MMP14: variants seen among roughly 807,000 people sequenced by gnomAD.
The protein encoded by MMP14 is matrix metalloproteinase-14.
MMP14 carries 13 observed loss-of-function variants against 64.8 expected under a neutral mutation model. The observed-to-expected ratio is 0.20, with a 90% CI of 0.13 to 0.32. The LOEUF (loss-of-function observed/expected upper bound fraction) is 0.32. MMP14 is among the 10% of genes least tolerant of loss of function. The pLI, the probability that MMP14 is intolerant of heterozygous loss-of-function variation, is 1.00. For missense variants in MMP14, 594 were observed against 783.8 expected (o/e 0.76, Z 2.89); for synonymous variants, 322 against 315.9 (o/e 1.02, Z -0.20).
Position 22,843,748 on chromosome 14 carries a change from C to T in MMP14, c.889C>T (p.Pro297Ser), listed in dbSNP as rs1240321412. 3 of 1,610,876 alleles carry T rather than the reference C, an allele frequency of 1.9e-6. No individual in the cohort carries two copies. The highest frequency in any genetic ancestry group is 2.5e-6 in the Non-Finnish European group (3 of 1,179,236). Residue 297 changes from proline to serine, a missense_variant, in exon 6 of 10, where the codon CCC becomes TCC. Pro to Ser is a moderately conservative substitution (Grantham distance 74). This residue lies in a region of MMP14 where 364 missense variants were observed against 425.2 expected (regional missense o/e 0.86). Transcript: ENST00000311852. The surrounding 1 kb of genome is among the most constrained non-coding windows in gnomAD (Gnocchi z 4.8). ...GTTCCCCACCAAGATGCCCCCTCAACCCAGGACTACCTCCCGGCCTTCTGT... is the reference window on the plus strand; with the variant it reads ...GTTCCCCACCAAGATGCCCCCTCAATCCAGGACTACCTCCCGGCCTTCTGT... The part of the protein sequence containing the change: ...SGFPTKMPPQ[P>S]RTTSRPSVPD...
rs945158281 is a variant in MMP14, at chr14:22,842,964, T to C, written c.688+247T>C. 6.6e-6 allele frequency among the ~76,000 whole-genome samples: 1 copy of C among 152,176 alleles called. No homozygotes were observed. The highest frequency in any genetic ancestry group is 1.5e-5 in the Non-Finnish European group (1 of 68,026). Reference sequence around the variant, plus strand: ...TGCCCACTTTTCCAGACCGATGTCATGTCTCGCTCCCGGGAGAAACTGGGG... The same window carrying C: ...TGCCCACTTTTCCAGACCGATGTCACGTCTCGCTCCCGGGAGAAACTGGGG... On this transcript the variant is annotated intron_variant, in intron 4 of 9. Coordinates refer to ENST00000311852, the MANE Select transcript of MMP14 (RefSeq NM_004995.4). The surrounding 1 kb of genome is among the most constrained non-coding windows in gnomAD (Gnocchi z 5.3).
rs751743554 is a variant in MMP14, at chr14:22,837,309, G to C, written c.108+384G>C. The stretch of plus-strand genomic sequence containing the variant: ...AAACCCCGCGCTGTCCCGGCTCCTC[G>C]TCATGCGCGAGAGTTTGTTGTTTCT... On this transcript the variant is annotated intron_variant, in intron 1 of 9. Coordinates refer to ENST00000311852, the MANE Select transcript of MMP14 (RefSeq NM_004995.4). The C allele has an allele frequency of 6.4e-5, 30 of 471,386 alleles. No homozygotes were observed. In the East Asian group the frequency reaches 1.2e-3, roughly 19 times the overall value. The allele number at this position is 471,386 out of a possible 1,614,324, so 29.2% of individuals were successfully genotyped here. A position where few individuals can be genotyped will look rare whatever the true frequency, so the allele number is the denominator to read the frequency against.
intron 1 of MMP14, among the ~76,000 whole-genome samples, chr14:22,837,650 G>A (rs2039744562): frequency 6.6e-6 from 1 of 152,262 alleles, no homozygotes; most frequent in Admixed American, 6.5e-5. Context: ...GCGCCTTCAG[G>A]CCCTTTTTGT....
At chr14:22,837,088 C>T (rs1047575284) in intron 1 of MMP14, 163 bp downstream of exon 1, 5 of 708,458 alleles carry the variant, frequency 7.1e-6, no homozygotes, top group Non-Finnish European at 1.3e-5. Flanking sequence ...CGTCTCCAAA[C>T]TTCCAGATCG....
chr14:22,844,013 T>G, intron 6 of MMP14, 143 bp downstream of exon 6: 1 of 1,075,192 alleles, frequency 9.3e-7, no homozygotes, highest in African/African-American at 1.6e-5. Context: ...CTGGCCAACA[T>G]AGTGAAACCC....
chr14:22,840,128 A>C (rs2039763090), intron 1 of MMP14, among the ~76,000 whole-genome samples: 1 of 151,950 alleles, frequency 6.6e-6, no homozygotes, highest in Non-Finnish European at 1.5e-5. Context: ...CACCACGTGC[A>C]GCTAATTTTT....
chr14:22,837,695 C>T (rs2039744909), intron 1 of MMP14, among the ~76,000 whole-genome samples: 1 of 152,238 alleles, frequency 6.6e-6, no homozygotes, highest in South Asian at 2.1e-4. Context: ...TGCAGGGAGC[C>T]TGGGGGCGTC....
chr14:22,840,114 C>A (rs1274138205), intron 1 of MMP14, among the ~76,000 whole-genome samples: 1 of 151,856 alleles, frequency 6.6e-6, no homozygotes, highest in East Asian at 1.9e-4. Flanking sequence ...TTACAGGTGC[C>A]CACCACCACG....
Position 22,842,106 on chromosome 14 carries a change from A to G in MMP14, c.380+71A>G. The G allele has an allele frequency of 6.3e-7, 1 of 1,580,630 alleles. No homozygotes were observed. Among genetic ancestry groups the G allele is most frequent in the Non-Finnish European group, 8.7e-7 (1 of 1,154,416 alleles). On this transcript the variant is annotated intron_variant, in intron 3 of 9. Transcript: ENST00000311852. The surrounding 1 kb of genome is among the most constrained non-coding windows in gnomAD (Gnocchi z 5.3). ...TCCTACCCATTGTGCTTATGCAGGG[A>G]CTCAGAGACCCCCTGCCCCACTCCC...
rs144508294 is a variant in MMP14, at chr14:22,842,078, A to G, written c.380+43A>G. ...GCAACCTTTCTCACATCTGGTTATTATTTCCTACCCATTGTGCTTATGCAG... is the reference window on the plus strand; with the variant it reads ...GCAACCTTTCTCACATCTGGTTATTGTTTCCTACCCATTGTGCTTATGCAG... On this transcript the variant is annotated intron_variant, in intron 3 of 9. Transcript: ENST00000311852. This position sits in a 1 kb window ranked among gnomAD's most constrained non-coding sequence, Gnocchi z 5.3. 1.6e-4 allele frequency: 265 copies of G among 1,612,852 alleles called. 1 individual carries two copies. In the East Asian group the frequency reaches 5.7e-3, roughly 35 times the overall value.
rs745755221 is a variant in MMP14, at chr14:22,843,424, T to C, written c.850+6T>C. 4 of 1,611,472 alleles carry C rather than the reference T, an allele frequency of 2.5e-6. No individual in the cohort carries two copies. Among genetic ancestry groups the C allele is most frequent in the Non-Finnish European group, 3.4e-6 (4 of 1,178,782 alleles). The stretch of plus-strand genomic sequence containing the variant: ...GGGCATCCAGCAACTTTATGGCGAG[T>C]AGTCTACACCCACGCCTGCTCCCTC... On this transcript the variant is annotated splice_donor_region_variant and intron_variant, in intron 5 of 9. Coordinates refer to ENST00000311852, the MANE Select transcript of MMP14 (RefSeq NM_004995.4). The surrounding 1 kb of genome is among the most constrained non-coding windows in gnomAD (Gnocchi z 4.8).
At chr14:22,840,497 T>C (rs2138737904) in intron 1 of MMP14, among the ~76,000 whole-genome samples, 1 of 152,138 alleles carries the variant, frequency 6.6e-6, no homozygotes, top group South Asian at 2.1e-4. Flanking sequence ...ATGTCCCACT[T>C]CCTCTGTTGA....
At chr14:22,844,932 C>T in intron 8 of MMP14, 152 bp downstream of exon 8, 1 of 1,107,470 alleles carries the variant, frequency 9.0e-7, no homozygotes, top group South Asian at 1.5e-5. Flanking sequence ...AAATGGGCAG[C>T]CTCCTTTGGG....
chr14:22,837,553 C>A lies in MMP14; in HGVS notation c.108+628C>A, dbSNP rs1404320698. 22 of 360,320 alleles carry A rather than the reference C, an allele frequency of 6.1e-5. No individual in the cohort carries two copies. In the Admixed American group the frequency reaches 8.1e-4, roughly 13 times the overall value. The allele number at this position is 360,320 out of a possible 1,614,324, so 22.3% of individuals were successfully genotyped here. A position where few individuals can be genotyped will look rare whatever the true frequency, so the allele number is the denominator to read the frequency against. On this transcript the variant is annotated intron_variant, in intron 1 of 9. Coordinates refer to ENST00000311852, the MANE Select transcript of MMP14 (RefSeq NM_004995.4). ...CGTCGAGGGTCGCAGCGCCGGCGCG[C>A]TGGCCGCGTTTCCGTACACACAAAG...
rs950588038 is a variant in MMP14, at chr14:22,836,898, G to C, written c.81G>C (p.Ser27=). The C allele has an allele frequency of 6.2e-7, 1 of 1,613,548 alleles. No individual in the cohort carries two copies. Among genetic ancestry groups the C allele is most frequent in the Non-Finnish European group, 8.5e-7 (1 of 1,179,758 alleles). Residue 27 remains serine, a synonymous_variant, in exon 1 of 10, where the codon TCG becomes TCC. Transcript: ENST00000311852. ...GCACCGCGCTCGCCTCCCTCGGCTC[G>C]GCCCAAAGCAGCAGCTTCAGCCCCG... is the stretch of plus-strand genomic sequence containing the variant. ...TLGTALASLG[S]AQSSSFSPEA... is the part of the protein sequence containing the mutation.
chr14:22,841,417 G>A, intron 1 of MMP14, 74 bp from the exon 2 acceptor site: 1 of 1,570,536 alleles, frequency 6.4e-7, no homozygotes, highest in Non-Finnish European at 8.6e-7. Flanking sequence ...GCTGTATGCT[G>A]GGCATTGTCG....
intron 2 of MMP14, 67 bp from the exon 3 acceptor site, chr14:22,841,846 G>T: frequency 6.2e-7 from 1 of 1,604,872 alleles, no homozygotes; most frequent in South Asian, 1.1e-5. Flanking sequence ...ACCCAACACT[G>T]ATCGTGGAGA....
chr14:22,837,350 T>C (rs1039412187), intron 1 of MMP14: 4 of 457,178 alleles, frequency 8.7e-6, no homozygotes, highest in South Asian at 6.2e-5. Flanking sequence ...TTCCCAGCTC[T>C]CCAGCGCTCT....
Position 22,844,376 on chromosome 14 carries a change from C to T in MMP14, c.1017C>T (p.Arg339=), listed in dbSNP as rs144898101. 21 of 1,614,040 alleles carry T rather than the reference C, an allele frequency of 1.3e-5. No individual in the cohort carries two copies. In the African/African-American group the frequency reaches 2.4e-4, roughly 18 times the overall value. Residue 339 remains arginine, a synonymous_variant, in exon 7 of 10, where the codon CGC becomes CGT. Coordinates refer to ENST00000311852, the MANE Select transcript of MMP14 (RefSeq NM_004995.4). ...CTGCATTGACCGGCTTCCAGGAGCG[C>T]TGGTTCTGGCGGGTGAGGAATAACC... The part of the protein sequence containing the change: ...LRGEMFVFKE[R]WFWRVRNNQV...
Sources: allele counts gnomAD v4.1 joint callset (sites outside exome capture counted in the v4.1 genomes callset), GRCh38; gene constraint gnomAD v4.1.1; regional missense constraint gnomAD v4.1.1; non-coding constraint Gnocchi (gnomAD v3.1); transcripts MANE v1.5; gene names NCBI Gene and HGNC (gene_info 2026-07-23, HGNC 2026-07-21).